ZNF678: variants seen among roughly 807,000 people sequenced by gnomAD.
ZNF678 encodes the protein hypothetical protein MGC42493.
ZNF678 carries 5 observed loss-of-function variants against 3.0 expected under a neutral mutation model. That is an observed-to-expected ratio of 1.69 (90% CI 0.88 to 3.56). The LOEUF is 3.56. ZNF678 is among the 30% of genes most tolerant of loss of function. The pLI is 0.00. For synonymous variants in ZNF678, 218 were observed against 199.6 expected, an observed-to-expected ratio of 1.09 and a Z score of -0.78; for missense variants, 593 against 605.0, an observed-to-expected ratio of 0.98 and a Z score of 0.21.
At chr1:227,620,576 T>C (rs938644965) in intron 1 of ZNF678, among the ~76,000 whole-genome samples, 3 of 152,342 alleles carry the variant, frequency 2.0e-5, no homozygotes, top group Admixed American at 6.5e-5. Flanking sequence ...TGAAGACTGC[T>C]GTGTGAAAGA....
downstream of ZNF678, among the ~76,000 whole-genome samples, chr1:227,665,409 A>C (rs1659487248): frequency 6.6e-6 from 1 of 152,158 alleles, no homozygotes; most frequent in Non-Finnish European, 1.5e-5. Context: ...GGGGCTAATG[A>C]CTCACTTTTG....
chr1:227,659,405 C>T lies in ZNF678; in HGVS notation c.*3577C>T, dbSNP rs976895009. 1.3e-5 allele frequency: 2 copies of T among 152,064 alleles called. No homozygotes were observed. Among genetic ancestry groups the T allele is most frequent in the African/African-American group, 4.8e-5 (2 of 41,384 alleles). The allele number at this position is 152,064 out of a possible 1,614,324, so 9.4% of individuals were successfully genotyped here. On this transcript the variant is annotated 3_prime_UTR_variant, in exon 4 of 4. Transcript: ENST00000343776. Reference sequence around the variant, plus strand: ...TTCCTTGGTGATTTTGGATGCAAACCTGATTTCTGTGTTCACACCATGGCC... The same window carrying T: ...TTCCTTGGTGATTTTGGATGCAAACTTGATTTCTGTGTTCACACCATGGCC...
intron 1 of ZNF678, among the ~76,000 whole-genome samples, chr1:227,579,765 C>A (rs1280778626): frequency 6.6e-6 from 1 of 152,162 alleles, no homozygotes; most frequent in African/African-American, 2.4e-5. Context: ...GCCAGCAGAC[C>A]AAGGGATGCT....
At chr1:227,574,913 G>C (rs1475930187) in intron 1 of ZNF678, among the ~76,000 whole-genome samples, 1 of 151,856 alleles carries the variant, frequency 6.6e-6, no homozygotes, top group Non-Finnish European at 1.5e-5. Flanking sequence ...TTATTAAATA[G>C]GGAATCTTTT....
chr1:227,580,801 A>G (rs901969199), intron 1 of ZNF678, among the ~76,000 whole-genome samples: 1 of 152,012 alleles, frequency 6.6e-6, no homozygotes, highest in East Asian at 1.9e-4. Flanking sequence ...GTGGTGGTGC[A>G]TGTCTGTAAT....
chr1:227,601,659 G>A (rs1184630735), intron 1 of ZNF678, among the ~76,000 whole-genome samples: 1 of 152,060 alleles, frequency 6.6e-6, no homozygotes, highest in South Asian at 2.1e-4. Flanking sequence ...CCACCTCCCA[G>A]GTTCAAGCGA....
rs1040167878 is a variant in ZNF678, at chr1:227,657,646, G to T, written c.*1818G>T. Reference sequence around the variant, plus strand: ...AAAACACATACATACATTTAGTTTTGATTAACATGGAGTTAATTTTATAAG... The same window carrying T: ...AAAACACATACATACATTTAGTTTTTATTAACATGGAGTTAATTTTATAAG... On this transcript the variant is annotated 3_prime_UTR_variant, in exon 4 of 4. Coordinates refer to ENST00000343776, the MANE Select transcript of ZNF678 (RefSeq NM_001367909.1). 2.0e-5 allele frequency: 3 copies of T among 151,892 alleles called. No individual in the cohort carries two copies. The highest frequency in any genetic ancestry group is 2.4e-5 in the African/African-American group (1 of 41,390). The allele number at this position is 151,892 out of a possible 1,614,324, so 9.4% of individuals were successfully genotyped here.
At chr1:227,603,549 CT>C (rs1220084379) in intron 1 of ZNF678, among the ~76,000 whole-genome samples, 2 of 152,196 alleles carry the variant, frequency 1.3e-5, no homozygotes, top group Non-Finnish European at 2.9e-5. Context: ...ACTCCAGGTG[CT>C]GTAGTCCTGC....
At chr1:227,651,373 G>A (rs1262951699) in intron 3 of ZNF678, among the ~76,000 whole-genome samples, 2 of 152,132 alleles carry the variant, frequency 1.3e-5, no homozygotes, top group Non-Finnish European at 2.9e-5. Flanking sequence ...AGGTCTCTAG[G>A]TTGGCAAGAC....
intron 1 of ZNF678, among the ~76,000 whole-genome samples, chr1:227,569,492 G>A (rs983172133): frequency 6.6e-6 from 1 of 152,078 alleles, no homozygotes. Flanking sequence ...TTAAGAGCAC[G>A]CAAAAGTTGA....
intron 1 of ZNF678, among the ~76,000 whole-genome samples, chr1:227,599,935 C>T (rs902145183): frequency 2.6e-5 from 4 of 152,092 alleles, no homozygotes; most frequent in African/African-American, 7.2e-5. Context: ...GCTTAGTACG[C>T]ATTAGTTATT....
In ZNF678 at chr1:227,661,473, G is replaced by A. The variant is rs1659405051; in HGVS notation, c.*5645G>A. ...ATGAGTCATTGGGGCATGTTACAGAGAGTTTCAGTAAAATTCAGAAAAAAA... is the reference window on the plus strand; with the variant it reads ...ATGAGTCATTGGGGCATGTTACAGAAAGTTTCAGTAAAATTCAGAAAAAAA... On this transcript the variant is annotated 3_prime_UTR_variant, in exon 4 of 4. Transcript: ENST00000343776. The A allele has an allele frequency of 6.6e-6, 1 of 152,072 alleles. No individual in the cohort carries two copies. Among genetic ancestry groups the A allele is most frequent in the Non-Finnish European group, 1.5e-5 (1 of 68,014 alleles). 9.4% of individuals were successfully genotyped at this position (152,072 alleles called of 1,614,324 possible).
chr1:227,570,366 T>G (rs957150310), intron 1 of ZNF678, among the ~76,000 whole-genome samples: 1 of 152,260 alleles, frequency 6.6e-6, no homozygotes, highest in Admixed American at 6.5e-5. Context: ...GCCTTTTCTG[T>G]TACTATGAAA....
At chr1:227,578,548 C>A (rs1359919881) in intron 1 of ZNF678, among the ~76,000 whole-genome samples, 1 of 152,130 alleles carries the variant, frequency 6.6e-6, no homozygotes, top group Non-Finnish European at 1.5e-5. Context: ...TAATACTTGT[C>A]ATTGCATTAC....
intron 1 of ZNF678, 88 bp downstream of exon 1, chr1:227,563,812 A>C (rs1571848613): frequency 8.2e-7 from 1 of 1,220,808 alleles, no homozygotes. Context: ...CCCGGCTGGC[A>C]CCTGTGGGAT....
At chr1:227,653,906 T>C (rs1659148768) in intron 3 of ZNF678, among the ~76,000 whole-genome samples, 1 of 152,122 alleles carries the variant, frequency 6.6e-6, no homozygotes, top group Admixed American at 6.6e-5. Context: ...AACCAGTCTT[T>C]GGAAAGCCCC....
chr1:227,629,360 G>A (rs1315488800), intron 1 of ZNF678, among the ~76,000 whole-genome samples: 1 of 152,234 alleles, frequency 6.6e-6, no homozygotes, highest in Non-Finnish European at 1.5e-5. Context: ...ATGTTCAGGT[G>A]TATAATGGCC....
chr1:227,619,760 C>G (rs1174345083), intron 1 of ZNF678, among the ~76,000 whole-genome samples: 1 of 151,816 alleles, frequency 6.6e-6, no homozygotes, highest in African/African-American at 2.4e-5. Context: ...ATCCGCCCGC[C>G]TTGGCCTCCC....
chr1:227,660,504 TG>T lies in ZNF678; in HGVS notation c.*4677del, dbSNP rs558043730. On this transcript the variant is annotated 3_prime_UTR_variant, in exon 4 of 4. Transcript: ENST00000343776. ...TTCTGTAACTATTGCAGGTGTCAAT[TG>T]TTTTCTTTATTTCTTTTTCAGATAG... is the stretch of plus-strand genomic sequence containing the variant. 1 of 152,212 alleles carries T rather than the reference TG, an allele frequency of 6.6e-6. No individual in the cohort carries two copies. Among genetic ancestry groups the T allele is most frequent in the South Asian group, 2.1e-4 (1 of 4,830 alleles). 9.4% of individuals were successfully genotyped at this position (152,212 alleles called of 1,614,324 possible).
Sources: allele counts gnomAD v4.1 joint callset (sites outside exome capture counted in the v4.1 genomes callset), GRCh38; gene constraint gnomAD v4.1.1; transcripts MANE v1.5; gene names NCBI Gene and HGNC (gene_info 2026-07-23, HGNC 2026-07-21).